OSBPL8: variants seen among roughly 807,000 people sequenced by gnomAD.
OSBPL8 encodes oxysterol-binding protein-related protein 8.
Under a neutral mutation model 125.5 loss-of-function variants are expected in OSBPL8, and 59 were observed. That is an observed-to-expected ratio of 0.47 (90% CI 0.38 to 0.58). The LOEUF (loss-of-function observed/expected upper bound fraction) is 0.58. Ranked by LOEUF, OSBPL8 falls within the 20% of genes least tolerant of loss-of-function variation. The pLI, the probability that OSBPL8 is intolerant of heterozygous loss-of-function variation, is 0.00. For synonymous variants in OSBPL8, 330 were observed against 338.9 expected (o/e 0.97, Z 0.29); for missense variants, 758 against 1,047.8 (o/e 0.72, Z 3.82).
At chr12:76,510,426 G>T (rs1458732169) in intron 1 of OSBPL8, among the ~76,000 whole-genome samples, 2 of 152,118 alleles carry the variant, frequency 1.3e-5, no homozygotes, top group Admixed American at 6.6e-5. Context: ...TAAAAAACAA[G>T]AAATCATTAC....
chr12:76,410,565 T>C lies in OSBPL8; in HGVS notation c.287A>G (p.Lys96Arg). 6.3e-7 allele frequency: 1 copy of C among 1,595,828 alleles called. No homozygotes were observed. Among genetic ancestry groups the C allele is most frequent in the Non-Finnish European group, 8.6e-7 (1 of 1,165,090 alleles). The change falls in exon 5 of 24, where the codon AAG becomes AGG. Residue 96 changes from lysine to arginine, a missense_variant and splice_region_variant. By Grantham distance (26) the Lys-to-Arg change is conservative (BLOSUM62 2). Coordinates refer to ENST00000261183, the MANE Select transcript of OSBPL8 (RefSeq NM_020841.5). ...DESSLSMSKS[K>R]SESKLYNGSE... ...ATGTATTTGCTTATATATGCTTACC[T>C]TGCTCTTTGACATAGAAAGTGAAGA...
chr12:76,383,256 A>G (rs1347028622), intron 15 of OSBPL8, among the ~76,000 whole-genome samples: 2 of 152,148 alleles, frequency 1.3e-5, no homozygotes, highest in Non-Finnish European at 2.9e-5. Context: ...ACACTCAGAA[A>G]AGCCATTTAT....
intron 2 of OSBPL8, among the ~76,000 whole-genome samples, chr12:76,463,023 G>T (rs1462988857): frequency 1.3e-5 from 2 of 152,158 alleles, no homozygotes; most frequent in Non-Finnish European, 2.9e-5. Context: ...ATAAGATGGG[G>T]AACCACTGGA....
At chr12:76,478,105 G>A (rs1320438954) in intron 2 of OSBPL8, among the ~76,000 whole-genome samples, 2 of 152,014 alleles carry the variant, frequency 1.3e-5, no homozygotes, top group African/African-American at 4.8e-5. Context: ...CGAAGGCTGA[G>A]GTAGAAGAAT....
intron 2 of OSBPL8, among the ~76,000 whole-genome samples, chr12:76,462,052 T>C (rs2136840107): frequency 6.6e-6 from 1 of 152,326 alleles, no homozygotes; most frequent in South Asian, 2.1e-4. Flanking sequence ...ATCGTTTCCC[T>C]AGATTTATCA....
chr12:76,360,530 T>C (rs960176512), intron 21 of OSBPL8, among the ~76,000 whole-genome samples: 1 of 152,160 alleles, frequency 6.6e-6, no homozygotes, highest in African/African-American at 2.4e-5. Flanking sequence ...GTGGCCCGCT[T>C]CTCACAGCTC....
At chr12:76,395,101 G>A (rs956556130) in intron 8 of OSBPL8, among the ~76,000 whole-genome samples, 2 of 151,940 alleles carry the variant, frequency 1.3e-5, no homozygotes, top group Admixed American at 1.3e-4. Context: ...GAAAGCATGT[G>A]GAAATAGAAT....
chr12:76,485,516 G>C (rs1361543830), intron 2 of OSBPL8, among the ~76,000 whole-genome samples: 1 of 152,136 alleles, frequency 6.6e-6, no homozygotes, highest in African/African-American at 2.4e-5. Context: ...AGGTTGCGGT[G>C]AGCAGAGATC....
intron 1 of OSBPL8, among the ~76,000 whole-genome samples, chr12:76,494,009 C>A (rs1463341457): frequency 6.6e-6 from 1 of 152,088 alleles, no homozygotes; most frequent in Non-Finnish European, 1.5e-5. Flanking sequence ...ATTATTCCAA[C>A]CTCTCTGTTA....
intron 4 of OSBPL8, among the ~76,000 whole-genome samples, chr12:76,437,619 T>C (rs1397241291): frequency 6.6e-6 from 1 of 152,176 alleles, no homozygotes; most frequent in Non-Finnish European, 1.5e-5. Context: ...TTCAAGAGTA[T>C]CTTGACTCTT....
chr12:76,381,603 T>TTTATAATAGAGATAAA (rs1953054777), intron 15 of OSBPL8, among the ~76,000 whole-genome samples: 4 of 152,222 alleles, frequency 2.6e-5, no homozygotes, highest in Admixed American at 2.0e-4. Context: ...TATTTCATTA[T>TTTATAATAGAGATAAA]GAAATGTTCT....
At chr12:76,475,920 G>A (rs141660952) in intron 2 of OSBPL8, among the ~76,000 whole-genome samples, 2 of 152,282 alleles carry the variant, frequency 1.3e-5, no homozygotes, top group East Asian at 1.9e-4. Context: ...TAAACTGTGC[G>A]TGTACACACA....
At chr12:76,489,047 T>G (rs1878446665) in intron 1 of OSBPL8, among the ~76,000 whole-genome samples, 1 of 152,208 alleles carries the variant, frequency 6.6e-6, no homozygotes, top group African/African-American at 2.4e-5. Flanking sequence ...GTGGTCTGGA[T>G]AGAAGATCAG....
At chr12:76,498,652 T>C (rs1879531456) in intron 1 of OSBPL8, among the ~76,000 whole-genome samples, 1 of 152,174 alleles carries the variant, frequency 6.6e-6, no homozygotes, top group South Asian at 2.1e-4. Context: ...TACCATCCTT[T>C]CTGTGACTAA....
chr12:76,514,891 G>A (rs1881379442), intron 1 of OSBPL8, among the ~76,000 whole-genome samples: 1 of 152,138 alleles, frequency 6.6e-6, no homozygotes, highest in African/African-American at 2.4e-5. Flanking sequence ...ATTTCAGACA[G>A]CCAGTCTTCA....
chr12:76,379,164 C>T (rs1952939865), intron 15 of OSBPL8, among the ~76,000 whole-genome samples: 1 of 152,044 alleles, frequency 6.6e-6, no homozygotes, highest in South Asian at 2.1e-4. Context: ...CACTGTATAG[C>T]CTAATTTTCT....
At chr12:76,531,741 A>AT (rs1027532852) in intron 1 of OSBPL8, among the ~76,000 whole-genome samples, 1 of 152,136 alleles carries the variant, frequency 6.6e-6, no homozygotes, top group African/African-American at 2.4e-5. Flanking sequence ...GCGCACTAAA[A>AT]AAAACTGACC....
chr12:76,517,993 T>C (rs1881716735), intron 1 of OSBPL8, among the ~76,000 whole-genome samples: 1 of 152,162 alleles, frequency 6.6e-6, no homozygotes, highest in African/African-American at 2.4e-5. Context: ...AACCATATCA[T>C]TCTGCTGGCG....
rs570691695 is a variant in OSBPL8 at position 76,459,719 on chromosome 12, T to G, written c.79+140A>C. ...GGTACTAAATGACCATTTATATTCT[T>G]TACTTTATATTTCAATTCCTGGAAA... On this transcript the variant is annotated intron_variant, in intron 3 of 23. Coordinates refer to ENST00000261183, the MANE Select transcript of OSBPL8 (RefSeq NM_020841.5). 16 of 945,766 alleles carry G rather than the reference T, an allele frequency of 1.7e-5. No individual in the cohort carries two copies. The Admixed American group carries it at 3.6e-4, about 21-fold the overall frequency. 58.6% of individuals were successfully genotyped at this position (945,766 alleles called of 1,614,324 possible).
Sources: allele counts gnomAD v4.1 joint callset (sites outside exome capture counted in the v4.1 genomes callset), GRCh38; gene constraint gnomAD v4.1.1; transcripts MANE v1.5; gene names NCBI Gene and HGNC (gene_info 2026-07-23, HGNC 2026-07-21).